RGS10: variants seen among roughly 807,000 people sequenced by gnomAD.
RGS10 encodes the protein regulator of G protein signaling 10, also known as regulator of G-protein signalling 10.
Under a neutral mutation model 23.5 loss-of-function variants are expected in RGS10, and 11 were observed. The ratio of observed to expected loss-of-function variants is 0.47; its 90% CI spans 0.29 to 0.77. RGS10 has a LOEUF of 0.77. Ranked by LOEUF, RGS10 falls within the 30% of genes least tolerant of loss-of-function variation. The pLI is 0.08. For missense variants in RGS10, 180 were observed against 226.3 expected, an observed-to-expected ratio of 0.80 and a Z score of 1.31; for synonymous variants, 77 against 83.2, an observed-to-expected ratio of 0.92 and a Z score of 0.41.
intron 1 of RGS10, among the ~76,000 whole-genome samples, chr10:119,531,331 G>T (rs1030975879): frequency 7.9e-5 from 12 of 152,172 alleles, no homozygotes; most frequent in Admixed American, 7.9e-4. Context: ...TTGGCCATAA[G>T]TTTTCAACCT....
chr10:119,538,596 G>A lies in RGS10; in HGVS notation c.49+3994C>T, dbSNP rs556324944. Among the ~76,000 whole-genome samples, 1 of 152,264 alleles carries A rather than the reference G, an allele frequency of 6.6e-6. No individual in the cohort carries two copies. Among genetic ancestry groups the A allele is most frequent in the African/African-American group, 2.4e-5 (1 of 41,536 alleles). ...GCTGGGAAGGACTCAGTCAGATAAG[G>A]GGTCCCCCACCAGGCAGTGGGGCAG... On this transcript the variant is annotated intron_variant, in intron 1 of 4. Coordinates refer to ENST00000369103, the MANE Select transcript of RGS10 (RefSeq NM_001005339.2). The surrounding 1 kb of genome is among the most constrained non-coding windows in gnomAD (Gnocchi z 4.5).
At chr10:119,531,552 A>G (rs1423614845) in intron 1 of RGS10, among the ~76,000 whole-genome samples, 1 of 152,162 alleles carries the variant, frequency 6.6e-6, no homozygotes, top group Non-Finnish European at 1.5e-5. Context: ...ATTTTTGCAT[A>G]TTAGGTTTAT....
intron 4 of RGS10, among the ~76,000 whole-genome samples, chr10:119,512,855 A>G (rs987574039): frequency 2.0e-5 from 3 of 152,124 alleles, no homozygotes; most frequent in Admixed American, 6.6e-5. Context: ...GCCTTCCAAT[A>G]ATAGATTTTT....
chr10:119,525,151 G>A (rs1844260060), intron 3 of RGS10, among the ~76,000 whole-genome samples: 1 of 152,150 alleles, frequency 6.6e-6, no homozygotes, highest in Non-Finnish European at 1.5e-5. Context: ...TAGAAAAACA[G>A]GCGGTACTAG....
At chr10:119,514,384 G>T (rs543392681) in intron 4 of RGS10, among the ~76,000 whole-genome samples, 2 of 151,752 alleles carry the variant, frequency 1.3e-5, no homozygotes, top group South Asian at 4.2e-4. Flanking sequence ...AAGGCCAGGT[G>T]CAGTGGCTCA....
intron 4 of RGS10, among the ~76,000 whole-genome samples, chr10:119,513,853 G>C (rs553006607): frequency 6.7e-4 from 102 of 152,314 alleles, no homozygotes; most frequent in Middle Eastern, 3.4e-3. Context: ...TGATGGTCAT[G>C]GGGGGAGCAT....
Position 119,503,004 on chromosome 10 carries a change from C to A in RGS10, c.400-2745G>T, listed in dbSNP as rs1843969126. Among the ~76,000 whole-genome samples, 3 of 152,156 alleles carry A rather than the reference C, an allele frequency of 2.0e-5. No homozygotes were observed. The South Asian group carries it at 6.2e-4, about 31-fold the overall frequency. On this transcript the variant is annotated intron_variant, in intron 4 of 4. Transcript: ENST00000369103. ...ACTTCTGACTGCCACCGGCCAACGA[C>A]CCCCTGGGCCTGGCTCAGGAGCACA...
chr10:119,505,425 A>C (rs182402609), intron 4 of RGS10, among the ~76,000 whole-genome samples: 23 of 149,384 alleles, frequency 1.5e-4, no homozygotes, highest in African/African-American at 5.4e-4. Context: ...TGGACTGTAA[A>C]CTGTTTAGCA....
chr10:119,505,630 T>C (rs1411293314), intron 4 of RGS10, among the ~76,000 whole-genome samples: 1 of 151,886 alleles, frequency 6.6e-6, no homozygotes, highest in Non-Finnish European at 1.5e-5. Context: ...GAAAGAAAAA[T>C]ATCCATGCAG....
chr10:119,500,296 G>A, intron 4 of RGS10, 37 bp from the exon 5 acceptor site: 1 of 1,577,152 alleles, frequency 6.3e-7, no homozygotes, highest in Non-Finnish European at 8.6e-7. Context: ...GAAGGCTGAG[G>A]CTAATCCAGG....
chr10:119,503,055 G>C (rs1564707334), intron 4 of RGS10, among the ~76,000 whole-genome samples: 1 of 152,156 alleles, frequency 6.6e-6, no homozygotes, highest in African/African-American at 2.4e-5. Flanking sequence ...CCTGGGACGG[G>C]GCTCAGCAAA....
At chr10:119,531,749 G>A (rs1054398224) in intron 1 of RGS10, among the ~76,000 whole-genome samples, 27 of 152,140 alleles carry the variant, frequency 1.8e-4, no homozygotes, top group African/African-American at 6.3e-4. Context: ...GGACCTGTAT[G>A]GGAGGTCAGC....
chr10:119,504,761 G>T (rs1181904198), intron 4 of RGS10, among the ~76,000 whole-genome samples: 1 of 152,150 alleles, frequency 6.6e-6, no homozygotes, highest in Non-Finnish European at 1.5e-5. Context: ...ATGCAGCCAC[G>T]TGCCAAGGAG....
chr10:119,522,988 A>C (rs1164739899), intron 3 of RGS10, among the ~76,000 whole-genome samples: 3 of 144,776 alleles, frequency 2.1e-5, no homozygotes, highest in African/African-American at 5.2e-5. Flanking sequence ...CTACAGGCGC[A>C]CTCCATCATG....
At chr10:119,540,696 T>G (rs1844427332) in intron 1 of RGS10, among the ~76,000 whole-genome samples, 1 of 152,160 alleles carries the variant, frequency 6.6e-6, no homozygotes, top group South Asian at 2.1e-4. Flanking sequence ...AATCCATGTA[T>G]CTCCCAGGAT....
intron 4 of RGS10, among the ~76,000 whole-genome samples, chr10:119,509,347 G>C (rs1426046222): frequency 6.6e-6 from 1 of 151,812 alleles, no homozygotes; most frequent in East Asian, 1.9e-4. Flanking sequence ...CCAACACTTT[G>C]GGAGGTCAAG....
intron 1 of RGS10, among the ~76,000 whole-genome samples, chr10:119,540,974 T>C (rs762412032): frequency 1.3e-5 from 2 of 152,230 alleles, no homozygotes; most frequent in Non-Finnish European, 2.9e-5. Flanking sequence ...CCTTCATTTT[T>C]AGCTTTGTTG....
intron 1 of RGS10, among the ~76,000 whole-genome samples, chr10:119,535,067 T>C (rs1479613834): frequency 6.6e-6 from 1 of 152,052 alleles, no homozygotes; most frequent in Non-Finnish European, 1.5e-5. Flanking sequence ...GCGTCCCAGC[T>C]AGAAAATGGG....
At chr10:119,505,637 G>A (rs575956121) in intron 4 of RGS10, among the ~76,000 whole-genome samples, 2 of 152,228 alleles carry the variant, frequency 1.3e-5, no homozygotes, top group South Asian at 2.1e-4. Flanking sequence ...AAATATCCAT[G>A]CAGTGCCCCA....
Sources: allele counts gnomAD v4.1 joint callset (sites outside exome capture counted in the v4.1 genomes callset), GRCh38; gene constraint gnomAD v4.1.1; non-coding constraint Gnocchi (gnomAD v3.1); transcripts MANE v1.5; gene names NCBI Gene and HGNC (gene_info 2026-07-23, HGNC 2026-07-21).